LRRTM3: variants seen among roughly 807,000 people sequenced by gnomAD.
LRRTM3 encodes leucine-rich repeat transmembrane neuronal protein 3.
A neutral mutation model predicts 44.7 loss-of-function variants in LRRTM3; 24 were observed. That is an observed-to-expected ratio of 0.54 (90% confidence interval 0.39 to 0.76). The LOEUF (loss-of-function observed/expected upper bound fraction) is 0.76. Among genes scored for constraint, LRRTM3 ranks in the 30% least tolerant of loss-of-function variants. LRRTM3 has a pLI of 0.00. For synonymous variants in LRRTM3, 277 were observed against 278.7 expected, an observed-to-expected ratio of 0.99 and a Z score of 0.06; for missense variants, 587 against 702.2, an observed-to-expected ratio of 0.84 and a Z score of 1.85.
Position 66,952,891 on chromosome 10 carries a change from A to G in LRRTM3, c.1536+24439A>G, listed in dbSNP as rs543888132. Among the ~76,000 whole-genome samples the G allele has an allele frequency of 1.1e-3, 161 of 152,216 alleles. 1 individual carries two copies. The highest frequency in any genetic ancestry group is 6.8e-3 in the Middle Eastern group (2 of 294). On this transcript the variant is annotated intron_variant, in intron 2 of 2. Transcript: ENST00000361320. Reference sequence around the variant, plus strand: ...GGTTCTTCCCTGGTTAGCTAACCTAAGAGTCAAAAGCCAGCACAGTAGTGT... The same window carrying G: ...GGTTCTTCCCTGGTTAGCTAACCTAGGAGTCAAAAGCCAGCACAGTAGTGT...
At position 67,077,746 on chromosome 10, in the gene LRRTM3, G is replaced by A. The variant is rs139855326; in HGVS notation, c.1537-19841G>A. Reference sequence around the variant, plus strand: ...TGATAATATCTATTTCTATTTATTCGCTCATCTCACTAGCACCTAAGACAG... The same window carrying A: ...TGATAATATCTATTTCTATTTATTCACTCATCTCACTAGCACCTAAGACAG... On this transcript the variant is annotated intron_variant, in intron 2 of 2. Transcript: ENST00000361320. 9.9e-4 allele frequency among the ~76,000 whole-genome samples: 150 copies of A among 151,566 alleles called. 3 individuals carry two copies. Among genetic ancestry groups the A allele is most frequent in the African/African-American group, 3.5e-3 (145 of 41,248 alleles).
At chr10:67,068,877 T>C (rs571378586) in intron 2 of LRRTM3, among the ~76,000 whole-genome samples, 1 of 152,120 alleles carries the variant, frequency 6.6e-6, no homozygotes, top group Non-Finnish European at 1.5e-5. Flanking sequence ...CTGGCCAACA[T>C]GGTGAAACCC....
chr10:67,101,464 G>T lies in LRRTM3; in HGVS notation c.*3668G>T. ...AACAATTTTCTCCATTTTCTTATAAGAAAAATAAAATATAATTTATCCAAA... is the reference window on the plus strand; with the variant it reads ...AACAATTTTCTCCATTTTCTTATAATAAAAATAAAATATAATTTATCCAAA... On this transcript the variant is annotated 3_prime_UTR_variant, in exon 3 of 3. Transcript: ENST00000361320. 6.6e-6 allele frequency among the ~76,000 whole-genome samples: 1 copy of T among 150,996 alleles called. No homozygotes were observed. The highest frequency in any genetic ancestry group is 1.9e-4 in the East Asian group (1 of 5,166).
intron 2 of LRRTM3, among the ~76,000 whole-genome samples, chr10:67,085,645 G>A (rs866683085): frequency 7.9e-5 from 12 of 151,862 alleles, no homozygotes; most frequent in Admixed American, 2.0e-4. Context: ...TTGAAATAAT[G>A]AGTTAGTTTA....
chr10:67,016,294 A>G (rs1852654346), intron 2 of LRRTM3, among the ~76,000 whole-genome samples: 1 of 152,216 alleles, frequency 6.6e-6, no homozygotes, highest in Non-Finnish European at 1.5e-5. Context: ...GGCAGCCACT[A>G]TTTCAGCTTA....
intron 2 of LRRTM3, among the ~76,000 whole-genome samples, chr10:67,017,834 A>G (rs964230668): frequency 1.3e-4 from 19 of 151,934 alleles, no homozygotes; most frequent in Admixed American, 4.6e-4. Flanking sequence ...TAGTGGCCCA[A>G]TCTCGGCTCA....
intron 2 of LRRTM3, among the ~76,000 whole-genome samples, chr10:66,987,947 T>C (rs1485273959): frequency 6.6e-6 from 1 of 152,174 alleles, no homozygotes; most frequent in African/African-American, 2.4e-5. Flanking sequence ...TTTAAAAACA[T>C]TTCTATCATA....
chr10:66,981,339 C>A (rs979162482), intron 2 of LRRTM3, among the ~76,000 whole-genome samples: 1 of 152,162 alleles, frequency 6.6e-6, no homozygotes. Flanking sequence ...TCTGATTAGA[C>A]CTCCTGCTTT....
intron 2 of LRRTM3, among the ~76,000 whole-genome samples, chr10:67,087,594 A>T (rs1268206281): frequency 6.6e-6 from 1 of 152,014 alleles, no homozygotes; most frequent in Non-Finnish European, 1.5e-5. Flanking sequence ...AGTTAAAATC[A>T]AATAAAAAAT....
chr10:66,957,433 T>TATATAC (rs1564794029), intron 2 of LRRTM3, among the ~76,000 whole-genome samples: 17 of 118,128 alleles, frequency 1.4e-4, no homozygotes, highest in African/African-American at 4.6e-4. Flanking sequence ...TATATGCATA[T>TATATAC]ATATATATGC....
chr10:67,047,542 T>C (rs1285386748), intron 2 of LRRTM3, among the ~76,000 whole-genome samples: 1 of 152,160 alleles, frequency 6.6e-6, no homozygotes, highest in Non-Finnish European at 1.5e-5. Context: ...GCTTCTTGTC[T>C]GACCACTTAT....
chr10:66,980,936 C>T (rs1212462848), intron 2 of LRRTM3, among the ~76,000 whole-genome samples: 3 of 152,086 alleles, frequency 2.0e-5, no homozygotes, highest in Non-Finnish European at 4.4e-5. Flanking sequence ...GACAGAGTTT[C>T]ACTCTTGTTG....
intron 2 of LRRTM3, among the ~76,000 whole-genome samples, chr10:66,933,349 C>A (rs1847515892): frequency 6.6e-6 from 1 of 152,224 alleles, no homozygotes; most frequent in Non-Finnish European, 1.5e-5. Flanking sequence ...CCAGCGAACA[C>A]TAAAACAAAT....
At chr10:67,043,477 C>T (rs767079844) in intron 2 of LRRTM3, among the ~76,000 whole-genome samples, 57 of 152,130 alleles carry the variant, frequency 3.7e-4, no homozygotes, top group Non-Finnish European at 5.4e-4. Context: ...TCCTAAGCTG[C>T]ATGTCATTTA....
chr10:66,988,260 T>C (rs1049448805), intron 2 of LRRTM3, among the ~76,000 whole-genome samples: 3 of 152,194 alleles, frequency 2.0e-5, no homozygotes, highest in Admixed American at 2.0e-4. Context: ...ATCATTGAGG[T>C]AGGATTATAT....
chr10:67,054,202 A>C (rs1364688781), intron 2 of LRRTM3, among the ~76,000 whole-genome samples: 3 of 152,218 alleles, frequency 2.0e-5, no homozygotes, highest in Non-Finnish European at 4.4e-5. Flanking sequence ...ATTAAAAAAA[A>C]AACTTTATAA....
rs79988371 is a variant in LRRTM3, at chr10:66,936,307, G to A, written c.1536+7855G>A. ...AAATAGCCAAAAGCTCACATTATACGTTTCTTAATGTTAAAAAAAAAATCC... is the reference window on the plus strand; with the variant it reads ...AAATAGCCAAAAGCTCACATTATACATTTCTTAATGTTAAAAAAAAAATCC... On this transcript the variant is annotated intron_variant, in intron 2 of 2. Transcript: ENST00000361320. Among the ~76,000 whole-genome samples, 167 of 151,654 alleles carry A rather than the reference G, an allele frequency of 1.1e-3. 1 individual carries two copies. The East Asian group carries it at 0.027, about 25-fold the overall frequency.
intron 2 of LRRTM3, among the ~76,000 whole-genome samples, chr10:67,077,851 CAAAATT>C (rs1311389478): frequency 6.6e-6 from 1 of 151,486 alleles, no homozygotes; most frequent in African/African-American, 2.4e-5. Context: ...TAATAAGAGA[CAAAATT>C]AATAAAGAAA....
intron 2 of LRRTM3, among the ~76,000 whole-genome samples, chr10:66,937,971 G>A (rs1847801578): frequency 6.6e-6 from 1 of 152,048 alleles, no homozygotes; most frequent in African/African-American, 2.4e-5. Context: ...CACGATTTGA[G>A]GAAATGGATA....
Sources: gnomAD v4.1 joint callset for allele counts (sites outside exome capture counted in the v4.1 genomes callset) on GRCh38, gnomAD v4.1.1 for gene constraint, MANE v1.5 for transcripts, NCBI Gene and HGNC (gene_info 2026-07-23, HGNC 2026-07-21) for gene names.